Variants in USH2A observed in about 807,000 individuals in gnomAD.
USH2A encodes usherin, also known as Usher syndrome 2A (autosomal recessive, mild).
In USH2A, 443 loss-of-function variants were observed where a neutral mutation model predicts 538.9. The ratio of observed to expected loss-of-function variants is 0.82; its 90% CI spans 0.76 to 0.89. USH2A has a LOEUF of 0.89. Ranked by LOEUF, USH2A falls within the 40% of genes least tolerant of loss-of-function variation. The pLI is 0.00. For missense variants in USH2A, 6,633 were observed against 6,324.8 expected (o/e 1.05, Z -1.65); for synonymous variants, 2,413 against 2,273.5 (o/e 1.06, Z -1.75).
At chr1:215,663,194 TC>T (rs1657497821) in intron 64 of USH2A, among the ~76,000 whole-genome samples, 1 of 152,120 alleles carries the variant, frequency 6.6e-6, no homozygotes, top group East Asian at 1.9e-4. Context: ...AAAAGAAATG[TC>T]TTAACCTGGC....
At chr1:216,290,909 C>T (rs2036987926) in intron 10 of USH2A, among the ~76,000 whole-genome samples, 1 of 152,106 alleles carries the variant, frequency 6.6e-6, no homozygotes, top group African/African-American at 2.4e-5. Flanking sequence ...GCTCACAAAA[C>T]ACTCACTTTT....
Position 216,243,834 on chromosome 1 carries a change from C to T in USH2A, c.2809+2751G>A, listed in dbSNP as rs561235789. Among the ~76,000 whole-genome samples the T allele has an allele frequency of 3.9e-5, 6 of 152,220 alleles. No individual in the cohort carries two copies. In the East Asian group the frequency reaches 1.2e-3, roughly 29 times the overall value. ...TTTTCACCATGTTTAATGCTCCCTA[C>T]TCTTAACTCATTGACTTCATTTATA... On this transcript the variant is annotated intron_variant, in intron 13 of 71. Transcript: ENST00000307340.
chr1:216,310,905 A>G (rs921347334), intron 9 of USH2A, among the ~76,000 whole-genome samples: 1 of 152,134 alleles, frequency 6.6e-6, no homozygotes, highest in Non-Finnish European at 1.5e-5. Context: ...GTGGACATAC[A>G]TCTATGTCTT....
chr1:216,174,244 C>T (rs1441722400), intron 21 of USH2A: 1 of 984,854 alleles, frequency 1.0e-6, no homozygotes, highest in Non-Finnish European at 1.2e-6. Context: ...GCTATTTGCT[C>T]CAAAATGACT....
At chr1:216,406,441 A>G (rs867374543) in intron 3 of USH2A, among the ~76,000 whole-genome samples, 1 of 152,160 alleles carries the variant, frequency 6.6e-6, no homozygotes, top group Middle Eastern at 3.2e-3. Flanking sequence ...TTATCTTTAG[A>G]CTCATTAAGT....
At chr1:216,319,427 C>A (rs2037566578) in intron 9 of USH2A, among the ~76,000 whole-genome samples, 1 of 152,102 alleles carries the variant, frequency 6.6e-6, no homozygotes, top group Non-Finnish European at 1.5e-5. Flanking sequence ...AAAATCAGTT[C>A]TTCTAAAAGA....
rs137883164 is a variant in USH2A at position 216,258,321 on chromosome 1, G to A, written c.1972-7223C>T. On this transcript the variant is annotated intron_variant, in intron 11 of 71. Transcript: ENST00000307340. ...TGTGTACTCTTATCAAATATCCCAC[G>A]AATCATAAATTTTCTCGCCAGTTCA... Among the ~76,000 whole-genome samples, 250 of 152,048 alleles carry A rather than the reference G, an allele frequency of 1.6e-3. 1 individual carries two copies. Among genetic ancestry groups the A allele is most frequent in the African/African-American group, 5.5e-3 (230 of 41,506 alleles).
intron 32 of USH2A, among the ~76,000 whole-genome samples, chr1:216,020,695 A>G (rs138951464): frequency 0.015 from 2,231 of 152,278 alleles, 34 homozygotes; most frequent in Non-Finnish European, 0.025. Context: ...TCACTACTCA[A>G]TCAGCAACCG....
intron 30 of USH2A, among the ~76,000 whole-genome samples, chr1:216,056,360 T>C (rs571431293): frequency 3.3e-5 from 5 of 152,286 alleles, no homozygotes; most frequent in African/African-American, 9.6e-5. Flanking sequence ...ATGATCAGTG[T>C]CCAAGGTCCC....
At chr1:216,019,802 C>T (rs1481686904) in intron 32 of USH2A, among the ~76,000 whole-genome samples, 5 of 152,128 alleles carry the variant, frequency 3.3e-5, no homozygotes, top group South Asian at 2.1e-4. Flanking sequence ...AAGAAGACAG[C>T]GGGTAGGATG....
intron 38 of USH2A, among the ~76,000 whole-genome samples, chr1:215,928,393 T>C (rs763514895): frequency 1.9e-4 from 29 of 152,252 alleles, no homozygotes; most frequent in Middle Eastern, 6.8e-3. Flanking sequence ...TCTTCATTTT[T>C]TTTGGTGCTA....
In USH2A at chr1:216,175,427, A is replaced by G. The variant is rs1339891758; in HGVS notation, c.4452T>C (p.His1484=). The G allele has an allele frequency of 1.9e-6, 3 of 1,613,798 alleles. No homozygotes were observed. Among genetic ancestry groups the G allele is most frequent in the Non-Finnish European group, 2.5e-6 (3 of 1,179,878 alleles). The change falls in exon 21 of 72, where the codon CAT becomes CAC. Residue 1484 remains histidine, a synonymous_variant. Coordinates refer to ENST00000307340, the MANE Select transcript of USH2A (RefSeq NM_206933.4). ...LVKGINSTTI[H]LRWFPPEELN... is the part of the protein sequence containing the mutation. ...GTTCTTCAGGTGGAAACCACCTAAG[A>G]TGGATTGTTGTGCTGTTGATTCCTT... is the stretch of plus-strand genomic sequence containing the variant.
rs144049213 is a variant in USH2A at position 216,300,583 on chromosome 1, A to G, written c.1645-8213T>C. On this transcript the variant is annotated intron_variant, in intron 9 of 71. Coordinates refer to ENST00000307340, the MANE Select transcript of USH2A (RefSeq NM_206933.4). ...CTGATGAAATTTATTTTATTACATT[A>G]TATTCTAATAATACACAATGACAGT... 2.2e-3 allele frequency among the ~76,000 whole-genome samples: 328 copies of G among 152,282 alleles called. 4 individuals carry two copies. The highest frequency in any genetic ancestry group is 7.2e-3 in the African/African-American group (299 of 41,570).
intron 12 of USH2A, among the ~76,000 whole-genome samples, chr1:216,249,136 T>A (rs1472157332): frequency 6.6e-6 from 1 of 152,070 alleles, no homozygotes; most frequent in East Asian, 1.9e-4. Flanking sequence ...ATTAGGAAAG[T>A]AAATATATAT....
At chr1:216,190,725 G>C (rs929671278) in intron 19 of USH2A, among the ~76,000 whole-genome samples, 4 of 151,930 alleles carry the variant, frequency 2.6e-5, no homozygotes, top group Non-Finnish European at 4.4e-5. Context: ...AAGCCATGGG[G>C]CTTGGCCAAA....
chr1:215,788,125 G>A (rs987107350), intron 51 of USH2A, among the ~76,000 whole-genome samples: 14 of 152,118 alleles, frequency 9.2e-5, no homozygotes, highest in Admixed American at 2.6e-4. Context: ...ACTGGTTTAC[G>A]TGTTGAAAGT....
intron 35 of USH2A, among the ~76,000 whole-genome samples, chr1:215,987,460 A>G (rs1224751030): frequency 6.6e-6 from 1 of 152,218 alleles, no homozygotes; most frequent in African/African-American, 2.4e-5. Context: ...CACAGCCTGT[A>G]AAGAACACCT....
intron 14 of USH2A, among the ~76,000 whole-genome samples, chr1:216,227,084 G>A (rs1169265386): frequency 6.6e-6 from 1 of 152,152 alleles, no homozygotes; most frequent in Admixed American, 6.6e-5. Context: ...AGTGAAACCT[G>A]TTCCCTCATT....
chr1:216,300,703 A>T (rs1256035647), intron 9 of USH2A, among the ~76,000 whole-genome samples: 1 of 152,004 alleles, frequency 6.6e-6, no homozygotes, highest in Non-Finnish European at 1.5e-5. Context: ...CATAGTCTCC[A>T]AAGCATTTTT....
Sources: allele counts gnomAD v4.1 joint callset (sites outside exome capture counted in the v4.1 genomes callset), GRCh38; gene constraint gnomAD v4.1.1; transcripts MANE v1.5; gene names NCBI Gene and HGNC (gene_info 2026-07-23, HGNC 2026-07-21).